Variants in XCL1 observed in about 807,000 individuals in gnomAD.
XCL1 encodes lymphotactin.
XCL1 carries 6 observed loss-of-function variants against 7.4 expected under a neutral mutation model. That is an observed-to-expected ratio of 0.82 (90% CI 0.45 to 1.61). The LOEUF (loss-of-function observed/expected upper bound fraction) is 1.61, where lower values mean the gene tolerates loss of function less well. Ranked by LOEUF, XCL1 falls within the 40% of genes most tolerant of loss-of-function variation. XCL1 has a pLI of 0.01. For missense variants in XCL1, 122 were observed against 138.2 expected (o/e 0.88, Z 0.59); for synonymous variants, 48 against 52.4 (o/e 0.92, Z 0.36).
rs1655163622 is a variant in XCL1 at position 168,581,294 on chromosome 1, C to G, written c.*74C>G. ...TACACGCTCATGGACTGAGTTTATA[C>G]TCACCTTTTATGAAAGCACTGCATG... On this transcript the variant is annotated 3_prime_UTR_variant, in exon 3 of 3. Coordinates refer to ENST00000367818, the MANE Select transcript of XCL1 (RefSeq NM_002995.3). 5 of 1,546,732 alleles carry G rather than the reference C, an allele frequency of 3.2e-6. No individual in the cohort carries two copies. Among genetic ancestry groups the G allele is most frequent in the Admixed American group, 1.9e-5 (1 of 51,514 alleles).
Position 168,576,780 on chromosome 1 carries a change from G to A in XCL1, c.61+82G>A, listed in dbSNP as rs115082215. ...ACATTTTGGGTTTGACTCAGGTTAT[G>A]ACTGGACTAACCTGCTTTCCCCAGG... On this transcript the variant is annotated intron_variant, in intron 1 of 2. Coordinates refer to ENST00000367818, the MANE Select transcript of XCL1 (RefSeq NM_002995.3). 606 of 1,594,128 alleles carry A rather than the reference G, an allele frequency of 3.8e-4. 2 individuals are homozygous for A. The African/African-American group carries it at 7.3e-3, about 19-fold the overall frequency.
chr1:168,581,759 T>C lies in XCL1; in HGVS notation c.*539T>C, dbSNP rs1280854736. The C allele has an allele frequency of 1.3e-5, 2 of 152,240 alleles. No individual in the cohort carries two copies. The highest frequency in any genetic ancestry group is 2.4e-5 in the African/African-American group (1 of 41,464). 9.4% of individuals were successfully genotyped at this position (152,240 alleles called of 1,614,324 possible). A position where few individuals can be genotyped will look rare whatever the true frequency, so the allele number is the denominator to read the frequency against. ...TGCTTCACTCAATTTTTTTCACCTC[T>C]TTGTGTTTTATTTTGGTGTCCTATT... On this transcript the variant is annotated 3_prime_UTR_variant, in exon 3 of 3. Coordinates refer to ENST00000367818, the MANE Select transcript of XCL1 (RefSeq NM_002995.3).
chr1:168,576,799 C>T (rs1655034929), intron 1 of XCL1, 101 bp downstream of exon 1: 2 of 1,537,146 alleles, frequency 1.3e-6, no homozygotes, highest in Non-Finnish European at 1.8e-6. Flanking sequence ...AACCTGCTTT[C>T]CCCAGGGGAG....
chr1:168,576,765 T>A, intron 1 of XCL1, 67 bp downstream of exon 1: 1 of 1,611,204 alleles, frequency 6.2e-7, no homozygotes, highest in Non-Finnish European at 8.5e-7. Context: ...ACATTTTGGG[T>A]TTGACTCAGG....
chr1:168,580,976 C>T, intron 2 of XCL1, 76 bp from the exon 3 acceptor site: 1 of 1,557,264 alleles, frequency 6.4e-7, no homozygotes, highest in South Asian at 1.2e-5. Flanking sequence ...CTCTTCATGT[C>T]TGCCCTGATC....
intron 2 of XCL1, among the ~76,000 whole-genome samples, chr1:168,580,382 A>G (rs796122584): frequency 1.2e-4 from 18 of 152,330 alleles, no homozygotes; most frequent in African/African-American, 4.1e-4. Context: ...TGGGCTGCCA[A>G]AGAAAGAATA....
At chr1:168,579,071 T>C (rs1300101765) in intron 1 of XCL1, 1 of 420,462 alleles carries the variant, frequency 2.4e-6, no homozygotes, top group Non-Finnish European at 4.7e-6. Context: ...GCTAGCAGCT[T>C]TCTTCTCAGC....
rs1425370503 is a variant in XCL1, at chr1:168,579,472, C to T, written c.62-591C>T. 11 of 181,364 alleles carry T rather than the reference C, an allele frequency of 6.1e-5. 1 individual carries two copies. The highest frequency in any genetic ancestry group is 4.9e-3 in the Middle Eastern group (2 of 406). The allele number at this position is 181,364 out of a possible 1,614,324, so 11.2% of individuals were successfully genotyped here. On this transcript the variant is annotated intron_variant, in intron 1 of 2. Transcript: ENST00000367818. ...CAGCTGACAGAGAGAGACATTTGAC[C>T]ATTTAAAAAGGAGAACACCTTTATT...
At chr1:168,576,721 A>G (rs1655032718) in intron 1 of XCL1, 23 bp downstream of exon 1, 1 of 1,613,600 alleles carries the variant, frequency 6.2e-7, no homozygotes. Context: ...GCTGTCTGTG[A>G]GATAAAGAAC....
At chr1:168,580,938 A>G (rs1655149968) in intron 2 of XCL1, 114 bp from the exon 3 acceptor site, 2 of 1,395,784 alleles carry the variant, frequency 1.4e-6, no homozygotes, top group African/African-American at 1.5e-5. Context: ...CTGAAAGACT[A>G]TTTCTTGCAG....
At chr1:168,578,834 A>C (rs1253917722) in intron 1 of XCL1, 1 of 424,822 alleles carries the variant, frequency 2.4e-6, no homozygotes, top group Non-Finnish European at 4.5e-6. Flanking sequence ...TGAAGGCCAC[A>C]GTGGTGCTTC....
intron 2 of XCL1, among the ~76,000 whole-genome samples, chr1:168,580,719 G>T (rs1655140831): frequency 5.3e-5 from 8 of 152,090 alleles, no homozygotes; most frequent in Admixed American, 5.2e-4. Context: ...AAAATAAGAT[G>T]AATATTTTTA....
Position 168,582,013 on chromosome 1 carries a change from C to T in XCL1, c.*793C>T, listed in dbSNP as rs1054878533. On this transcript the variant is annotated 3_prime_UTR_variant, in exon 3 of 3. Transcript: ENST00000367818. The stretch of plus-strand genomic sequence containing the variant: ...CAAATGCTGACCCATGCAATATTTC[C>T]TCATGTGATCACAATTTGCAGTAAA... The T allele has an allele frequency of 6.6e-6, 1 of 152,158 alleles. No individual in the cohort carries two copies. Among genetic ancestry groups the T allele is most frequent in the African/African-American group, 2.4e-5 (1 of 41,440 alleles). 9.4% of individuals were successfully genotyped at this position (152,158 alleles called of 1,614,324 possible). A position where few individuals can be genotyped will look rare whatever the true frequency, so the allele number is the denominator to read the frequency against.
At chr1:168,577,266 A>G (rs2101834839) in intron 1 of XCL1, among the ~76,000 whole-genome samples, 1 of 152,322 alleles carries the variant, frequency 6.6e-6, no homozygotes, top group African/African-American at 2.4e-5. Flanking sequence ...AATGACTGGA[A>G]GTTCAAACCT....
rs182840610 is a variant in XCL1 at position 168,581,240 on chromosome 1, C to G, written c.*20C>G. On this transcript the variant is annotated 3_prime_UTR_variant, in exon 3 of 3. Coordinates refer to ENST00000367818, the MANE Select transcript of XCL1 (RefSeq NM_002995.3). ...GGCTAGTAGTCTCTGGCACCCTGTC[C>G]GTCTCCAGCCAGCCAGCTCATTTCA... 3.7e-6 allele frequency: 6 copies of G among 1,610,612 alleles called. No homozygotes were observed. The African/African-American group carries it at 4.0e-5, about 11-fold the overall frequency.
chr1:168,577,960 G>A (rs1655064218), intron 1 of XCL1, among the ~76,000 whole-genome samples: 1 of 152,180 alleles, frequency 6.6e-6, no homozygotes, highest in South Asian at 2.1e-4. Context: ...GAGTGAAGGT[G>A]ATATTTTAAA....
chr1:168,580,993 C>T, intron 2 of XCL1, 59 bp from the exon 3 acceptor site: 2 of 1,592,392 alleles, frequency 1.3e-6, no homozygotes, highest in Admixed American at 1.7e-5. Context: ...GATCTTAACT[C>T]CTGACCCTGA....
chr1:168,579,603 A>G (rs928559437), intron 1 of XCL1, among the ~76,000 whole-genome samples: 1 of 152,002 alleles, frequency 6.6e-6, no homozygotes, highest in African/African-American at 2.4e-5. Context: ...AACATGTTGC[A>G]CTATTTGAAA....
rs1655184003 is a variant in XCL1 at position 168,581,976 on chromosome 1, C to A, written c.*756C>A. 6.6e-6 allele frequency: 1 copy of A among 152,188 alleles called. No individual in the cohort carries two copies. Among genetic ancestry groups the A allele is most frequent in the African/African-American group, 2.4e-5 (1 of 41,460 alleles). The allele number at this position is 152,188 out of a possible 1,614,324, so 9.4% of individuals were successfully genotyped here. A position where few individuals can be genotyped will look rare whatever the true frequency, so the allele number is the denominator to read the frequency against. ...CATGTTATGCTTTACTGCGAATAAGCTTTTAATGCTCCAAATGCTGACCCA... is the reference window on the plus strand; with the variant it reads ...CATGTTATGCTTTACTGCGAATAAGATTTTAATGCTCCAAATGCTGACCCA... On this transcript the variant is annotated 3_prime_UTR_variant, in exon 3 of 3. Transcript: ENST00000367818.
Sources: allele counts gnomAD v4.1 joint callset (sites outside exome capture counted in the v4.1 genomes callset), GRCh38; gene constraint gnomAD v4.1.1; transcripts MANE v1.5; gene names NCBI Gene and HGNC (gene_info 2026-07-23, HGNC 2026-07-21).